The following CMKLR2 variants were observed in gnomAD, a reference collection of about 807,000 sequenced individuals.
The protein encoded by CMKLR2 is chemerin chemokine-like receptor 2, also known as chemerin-like receptor 2.
CMKLR2 carries 18 observed loss-of-function variants against 23.0 expected under a neutral mutation model. That is an observed-to-expected ratio of 0.78 (90% CI 0.54 to 1.16). The LOEUF (loss-of-function observed/expected upper bound fraction) is 1.16. Among genes scored for constraint, CMKLR2 ranks in the 50% most tolerant of loss-of-function variants. CMKLR2 has a pLI of 0.00. For missense variants in CMKLR2, 401 were observed against 412.7 expected (o/e 0.97, Z 0.25); for synonymous variants, 158 against 158.9 (o/e 0.99, Z 0.05).
intron 1 of CMKLR2, among the ~76,000 whole-genome samples, chr2:206,197,992 G>A (rs183289398): frequency 6.6e-6 from 1 of 152,320 alleles, no homozygotes; most frequent in Non-Finnish European, 1.5e-5. Flanking sequence ...ATTCCAGCCA[G>A]TGGAATATTT....
Position 206,176,196 on chromosome 2 carries a change from A to C in CMKLR2, c.1052T>G (p.Leu351Arg). ...AGTAATAACTTATTGAGCTGTTTCC[A>C]GGAGACACAGATTCTTGGTTTCTGA... ...RNSETKNLCL[L>R]ETAQ Residue 351 changes from leucine (L) to arginine (R), a missense_variant, in exon 2 of 2, where the codon CTG becomes CGG. By Grantham distance (102) the Leu-to-Arg change is moderately radical (BLOSUM62 -2). Transcript: ENST00000621141. The C allele has an allele frequency of 6.2e-7, 1 of 1,610,598 alleles. No homozygotes were observed. The highest frequency in any genetic ancestry group is 8.5e-7 in the Non-Finnish European group (1 of 1,178,330).
chr2:206,203,329 CAAAAAAAAAAAAA>C (rs34691275), intron 1 of CMKLR2: 2 of 45,232 alleles, frequency 4.4e-5, no homozygotes, highest in African/African-American at 8.4e-5. Context: ...GACTCTGTCT[CAAAAAAAAAAAAA>C]AAAAAAAAAA....
chr2:206,196,846 C>G (rs1353862813), intron 1 of CMKLR2, among the ~76,000 whole-genome samples: 1 of 152,182 alleles, frequency 6.6e-6, no homozygotes, highest in East Asian at 1.9e-4. Context: ...CAACTCTCAT[C>G]CAGCCTCTGG....
chr2:206,215,637 A>G (rs1380227694), upstream of CMKLR2, among the ~76,000 whole-genome samples: 1 of 152,236 alleles, frequency 6.6e-6, no homozygotes, highest in Non-Finnish European at 1.5e-5. Context: ...AAATAAAAGG[A>G]ATAATAAATA....
chr2:206,175,909 G>T lies in CMKLR2; in HGVS notation c.*271C>A. The T allele has an allele frequency of 3.2e-6, 1 of 314,166 alleles. No homozygotes were observed. Among genetic ancestry groups the T allele is most frequent in the Non-Finnish European group, 5.8e-6 (1 of 172,798 alleles). 19.5% of individuals were successfully genotyped at this position (314,166 alleles called of 1,614,324 possible). On this transcript the variant is annotated 3_prime_UTR_variant, in exon 2 of 2. Transcript: ENST00000621141. Reference sequence around the variant, plus strand: ...CCATGGTATAATTAACAAGAATGATGCATTTCATTTAAGTTGCAGAAAAAA... The same window carrying T: ...CCATGGTATAATTAACAAGAATGATTCATTTCATTTAAGTTGCAGAAAAAA...
intron 1 of CMKLR2, among the ~76,000 whole-genome samples, chr2:206,190,889 C>T (rs949779405): frequency 2.6e-5 from 4 of 152,154 alleles, no homozygotes; most frequent in South Asian, 2.1e-4. Flanking sequence ...GCACATGTAC[C>T]GGAAGTCAAC....
upstream of CMKLR2, among the ~76,000 whole-genome samples, chr2:206,216,990 C>T (rs990536478): frequency 1.9e-4 from 29 of 152,054 alleles, no homozygotes; most frequent in Non-Finnish European, 1.2e-4. Context: ...CATCTAAAAA[C>T]TCTGATGATA....
rs1576028954 is a variant in CMKLR2 at position 206,176,486 on chromosome 2, G to A, written c.762C>T (p.Ala254=). Residue 254 remains alanine, a synonymous_variant, in exon 2 of 2, where the codon GCC becomes GCT. Transcript: ENST00000621141. ...HFWTILVVVV[A]FVVCWTPYHL... Reference sequence around the variant, plus strand: ...GATAAGGAGTCCAGCAAACCACAAAGGCCACAACCACAACCAGAATTGTCC... The same window carrying A: ...GATAAGGAGTCCAGCAAACCACAAAAGCCACAACCACAACCAGAATTGTCC... 1.9e-6 allele frequency: 3 copies of A among 1,614,062 alleles called. No individual in the cohort carries two copies. In the African/African-American group the frequency reaches 4.0e-5, roughly 22 times the overall value.
At chr2:206,208,019 C>T (rs942527014) in intron 1 of CMKLR2, among the ~76,000 whole-genome samples, 2 of 151,962 alleles carry the variant, frequency 1.3e-5, no homozygotes, top group Admixed American at 6.6e-5. Context: ...GGATTACAGA[C>T]GTAAGCCACC....
chr2:206,206,907 C>T (rs1376569596), intron 1 of CMKLR2, among the ~76,000 whole-genome samples: 1 of 136,826 alleles, frequency 7.3e-6, no homozygotes, highest in African/African-American at 2.8e-5. Context: ...CTGTTTCAGT[C>T]CCCCTGCCCC....
intron 1 of CMKLR2, among the ~76,000 whole-genome samples, chr2:206,199,266 C>T (rs1422009883): frequency 6.6e-6 from 1 of 152,112 alleles, no homozygotes. Context: ...GGCGTGGTGG[C>T]ACATGCCTAC....
At chr2:206,208,910 A>G (rs1226908287) in intron 1 of CMKLR2, among the ~76,000 whole-genome samples, 1 of 152,148 alleles carries the variant, frequency 6.6e-6, no homozygotes, top group African/African-American at 2.4e-5. Context: ...GGCTCAAGCA[A>G]TCCTCCCATC....
rs371683882 is a variant in CMKLR2 at position 206,176,346 on chromosome 2, G to A, written c.902C>T (p.Pro301Leu). 2 of 1,614,026 alleles carry A rather than the reference G, an allele frequency of 1.2e-6. No individual in the cohort carries two copies. The highest frequency in any genetic ancestry group is 1.3e-5 in the African/African-American group (1 of 74,898). The stretch of plus-strand genomic sequence containing the variant: ...CTTACTAATTAGGACATAAAGGATG[G>A]GGTTCAAGCAACTATTGAGGAATGC... ...GLAFLNSCLN[P>L]ILYVLISKKF... is the part of the protein sequence containing the mutation. Residue 301 changes from proline (P) to leucine (L), a missense_variant, in exon 2 of 2, where the codon CCC becomes CTC. Transcript: ENST00000621141.
intron 1 of CMKLR2, among the ~76,000 whole-genome samples, chr2:206,178,187 C>G (rs1688292301): frequency 6.6e-6 from 1 of 152,124 alleles, no homozygotes; most frequent in African/African-American, 2.4e-5. Flanking sequence ...ATTGCATGAG[C>G]CCAGGAGTTT....
chr2:206,176,225 C>G lies in CMKLR2; in HGVS notation c.1023G>C (p.Arg341Ser). The change falls in exon 2 of 2, where the codon AGG becomes AGC. Residue 341 changes from arginine (R) to serine (S), a missense_variant. By Grantham distance (110) the Arg-to-Ser change is moderately radical. Transcript: ENST00000621141. ...GACACAGATTCTTGGTTTCTGAGTT[C>G]CTGAGCTGTTCACTCACTGTGCCAG... ...SCSGTVSEQL[R>S]NSETKNLCLL... is the part of the protein sequence containing the mutation. 6.2e-7 allele frequency: 1 copy of G among 1,613,990 alleles called. No homozygotes were observed. The highest frequency in any genetic ancestry group is 8.5e-7 in the Non-Finnish European group (1 of 1,179,926).
upstream of CMKLR2, chr2:206,213,781 G>C (rs1689653421): frequency 6.6e-6 from 1 of 152,196 alleles, no homozygotes; most frequent in Non-Finnish European, 1.5e-5. Context: ...TTTACTTTCT[G>C]TGATTCAGTG....
At chr2:206,178,840 G>C (rs2105799310) in intron 1 of CMKLR2, among the ~76,000 whole-genome samples, 1 of 151,878 alleles carries the variant, frequency 6.6e-6, no homozygotes, top group African/African-American at 2.4e-5. Flanking sequence ...GTAGAGACAG[G>C]GTTTCACCAT....
chr2:206,186,406 C>T (rs751049407), intron 1 of CMKLR2, among the ~76,000 whole-genome samples: 5 of 152,064 alleles, frequency 3.3e-5, no homozygotes, highest in African/African-American at 9.7e-5. Flanking sequence ...CCACCGCGCC[C>T]GGCCGGAATG....
upstream of CMKLR2, chr2:206,213,434 A>G (rs1475854894): frequency 6.6e-6 from 1 of 152,204 alleles, no homozygotes; most frequent in Non-Finnish European, 1.5e-5. Flanking sequence ...GGCTTTTGAA[A>G]TGACAGTGTA....
Sources: gnomAD v4.1 joint callset for allele counts (sites outside exome capture counted in the v4.1 genomes callset) on GRCh38, gnomAD v4.1.1 for gene constraint, MANE v1.5 for transcripts, NCBI Gene and HGNC (gene_info 2026-07-23, HGNC 2026-07-21) for gene names.